MZT2A: variants seen among roughly 807,000 people sequenced by gnomAD.
The protein encoded by MZT2A is mitotic spindle organizing protein 2A.
In MZT2A, 8 loss-of-function variants were observed where a neutral mutation model predicts 12.4. That is an observed-to-expected ratio of 0.64 (90% confidence interval 0.38 to 1.16). The LOEUF (loss-of-function observed/expected upper bound fraction) is 1.16. MZT2A is among the 50% of genes most tolerant of loss of function. MZT2A has a pLI of 0.01. For synonymous variants in MZT2A, 88 were observed against 107.5 expected, an observed-to-expected ratio of 0.82 and a Z score of 1.12; for missense variants, 181 against 223.6, an observed-to-expected ratio of 0.81 and a Z score of 1.22.
chr2:131,481,312 A>G (rs1678855468), downstream of MZT2A, among the ~76,000 whole-genome samples: 3 of 151,872 alleles, frequency 2.0e-5, no homozygotes, highest in African/African-American at 7.3e-5. Flanking sequence ...TTTGTCCCCC[A>G]GGCTGTAGTA....
chr2:131,481,184 G>A (rs1393835179), downstream of MZT2A, among the ~76,000 whole-genome samples: 1 of 151,916 alleles, frequency 6.6e-6, no homozygotes, highest in African/African-American at 2.4e-5. Context: ...GATTACAGTC[G>A]TGAGCCACTG....
At chr2:131,492,838 C>T, upstream of MZT2A, 2 of 1,470,516 alleles carry the variant, frequency 1.4e-6, no homozygotes, top group Non-Finnish European at 1.8e-6. Context: ...GCATTCCTTG[C>T]TAGGGAGAAA....
At chr2:131,482,992 C>T, downstream of MZT2A, 1 of 1,399,940 alleles carries the variant, frequency 7.1e-7, no homozygotes, top group Admixed American at 2.7e-5. Flanking sequence ...GACCCTAGAG[C>T]CTGCATGGAC....
chr2:131,490,703 T>A, intron 2 of MZT2A: 1 of 1,549,398 alleles, frequency 6.5e-7, no homozygotes. Context: ...GATAAGCCAA[T>A]AAACGCAACC....
At position 131,491,910 on chromosome 2, in the gene MZT2A, C is replaced by G; in HGVS notation, c.285G>C (p.Val95=). 1 of 1,524,460 alleles carries G rather than the reference C, an allele frequency of 6.6e-7. No individual in the cohort carries two copies. The highest frequency in any genetic ancestry group is 1.2e-5 in the South Asian group (1 of 81,558). 94.4% of individuals were successfully genotyped at this position (1,524,460 alleles called of 1,614,324 possible). A position where few individuals can be genotyped will look rare whatever the true frequency, so the allele number is the denominator to read the frequency against. ...LASEPQDPAA[V]SLPTSSVPET... Reference sequence around the variant, plus strand: ...CGGGCACGCTCGACGTGGGCAGAGACACGGCCGCAGGGTCCTGGGGCTCGC... The same window carrying G: ...CGGGCACGCTCGACGTGGGCAGAGAGACGGCCGCAGGGTCCTGGGGCTCGC... The change falls in exon 2 of 3, where the codon GTG becomes GTC. Residue 95 remains valine, a synonymous_variant. Coordinates refer to ENST00000309451, the MANE Select transcript of MZT2A (RefSeq NM_001085365.2).
chr2:131,488,707 G>A (rs914183724), intron 2 of MZT2A, among the ~76,000 whole-genome samples: 4 of 152,000 alleles, frequency 2.6e-5, no homozygotes, highest in Non-Finnish European at 4.4e-5. Context: ...AGCAGCACAC[G>A]TCTGCCCCAT....
upstream of MZT2A, chr2:131,492,601 A>G: frequency 8.4e-7 from 1 of 1,187,256 alleles, no homozygotes; most frequent in Non-Finnish European, 1.0e-6. Flanking sequence ...GGCATGGCGG[A>G]CTGCAGGGGC....
chr2:131,482,836 C>T (rs368534303), downstream of MZT2A: 41 of 1,613,624 alleles, frequency 2.5e-5, 1 homozygote, highest in East Asian at 3.8e-4. Flanking sequence ...CTGAAGAAGG[C>T]GAAGAATACT....
In MZT2A at chr2:131,492,366, T is replaced by G; in HGVS notation, c.11A>C (p.Gln4Pro). The G allele has an allele frequency of 7.4e-7, 1 of 1,344,424 alleles. No homozygotes were observed. Among genetic ancestry groups the G allele is most frequent in the East Asian group, 3.1e-5 (1 of 32,374 alleles). The allele number at this position is 1,344,424 out of a possible 1,614,324, so 83.3% of individuals were successfully genotyped here. Residue 4 changes from glutamine to proline, a missense_variant, in exon 1 of 3, where the codon CAG becomes CCG. Transcript: ENST00000309451. ...CGACCCCGGCCCAGGCCCTACGCCC[T>G]GCGCCGCCATCCGCGAGGCCCGCCG... MAA[Q>P]GVGPGPGSAA...
Position 131,492,363 on chromosome 2 carries a change from C to T in MZT2A, c.14G>A (p.Gly5Asp). 1.4e-5 allele frequency: 19 copies of T among 1,354,296 alleles called. No homozygotes were observed. Among genetic ancestry groups the T allele is most frequent in the Non-Finnish European group, 1.7e-5 (18 of 1,063,364 alleles). 83.9% of individuals were successfully genotyped at this position (1,354,296 alleles called of 1,614,324 possible). Residue 5 changes from glycine (G) to aspartate (D), a missense_variant, in exon 1 of 3, where the codon GGC becomes GAC. Physicochemically the swap from Gly to Asp is moderately conservative, Grantham distance 94. Transcript: ENST00000309451. ...CGCCGACCCCGGCCCAGGCCCTACG[C>T]CCTGCGCCGCCATCCGCGAGGCCCG... MAAQ[G>D]VGPGPGSAAP...
downstream of MZT2A, chr2:131,480,311 T>C (rs774586620): frequency 3.1e-6 from 5 of 1,613,228 alleles, no homozygotes; most frequent in South Asian, 2.2e-5. Context: ...TGGTCGACAA[T>C]GAAGCCATCT....
At chr2:131,473,198 T>C (rs1033339960) in intron 2 of MZT2A, among the ~76,000 whole-genome samples, 1 of 151,714 alleles carries the variant, frequency 6.6e-6, no homozygotes, top group African/African-American at 2.4e-5. Context: ...ACTCAGTCAG[T>C]GGTATTTTTT....
chr2:131,493,166 A>ACGT, upstream of MZT2A: 1 of 1,432,150 alleles, frequency 7.0e-7, no homozygotes, highest in Admixed American at 2.9e-5. Context: ...CGCGCGCGTG[A>ACGT]GACGGTCCGA....
At chr2:131,490,744 G>A in intron 2 of MZT2A, 1 of 1,545,376 alleles carries the variant, frequency 6.5e-7, no homozygotes. Context: ...AGCAAGAGAG[G>A]CGGAGGGAAC....
chr2:131,490,740 A>C, intron 2 of MZT2A: 1 of 1,547,010 alleles, frequency 6.5e-7, no homozygotes. Context: ...AGGCAGCAAG[A>C]GAGGCGGAGG....
In MZT2A at chr2:131,487,310, A is replaced by T. The variant is rs529706739; in HGVS notation, c.320-3092T>A. Reference sequence around the variant, plus strand: ...GCTGGGACAACATAGTGAGACCTCCATCTCCACAAAAAATTTAAAAATTAG... The same window carrying T: ...GCTGGGACAACATAGTGAGACCTCCTTCTCCACAAAAAATTTAAAAATTAG... On this transcript the variant is annotated intron_variant, in intron 2 of 2. Coordinates refer to ENST00000309451, the MANE Select transcript of MZT2A (RefSeq NM_001085365.2). Among the ~76,000 whole-genome samples, 17 of 152,170 alleles carry T rather than the reference A, an allele frequency of 1.1e-4. No homozygotes were observed. In the South Asian group the frequency reaches 3.5e-3, roughly 32 times the overall value.
downstream of MZT2A, among the ~76,000 whole-genome samples, chr2:131,481,926 C>T (rs1425895779): frequency 6.6e-6 from 1 of 152,218 alleles, no homozygotes; most frequent in Non-Finnish European, 1.5e-5. Flanking sequence ...CTGTGCACTG[C>T]GGCCAGGACC....
At chr2:131,479,699 G>A (rs1573859913), downstream of MZT2A, among the ~76,000 whole-genome samples, 2 of 152,156 alleles carry the variant, frequency 1.3e-5, no homozygotes, top group Non-Finnish European at 2.9e-5. Flanking sequence ...AATTAGCTGG[G>A]TGTGGGGGCA....
In MZT2A at chr2:131,476,188, G is replaced by A. The variant is rs763543502; in HGVS notation, c.279-4006C>T. 9.3e-6 allele frequency: 15 copies of A among 1,613,842 alleles called. No homozygotes were observed. In the Admixed American group the frequency reaches 2.5e-4, roughly 27 times the overall value. On this transcript the variant is annotated intron_variant and NMD_transcript_variant, in intron 2 of 4. Transcript: ENST00000427024. ...CTGGCAGTAGCGTTGGGCTGAAGCA[G>A]CGGAGTTCGCCATGGTAAGGCCCGG...
Sources: gnomAD v4.1 joint callset for allele counts (sites outside exome capture counted in the v4.1 genomes callset) on GRCh38, gnomAD v4.1.1 for gene constraint, MANE v1.5 for transcripts, NCBI Gene and HGNC (gene_info 2026-07-23, HGNC 2026-07-21) for gene names.